Variants in NRG2 observed in about 807,000 individuals in gnomAD.
The protein encoded by NRG2 is neuregulin 2.
In NRG2, 27 loss-of-function variants were observed where a neutral mutation model predicts 73.9. That is an observed-to-expected ratio of 0.37 (90% CI 0.27 to 0.50). The LOEUF (loss-of-function observed/expected upper bound fraction) is 0.50. Among genes scored for constraint, NRG2 ranks in the 20% least tolerant of loss-of-function variants. The probability of loss-of-function intolerance (pLI) is 0.96; values close to 1 mark genes in which losing one functional copy is unlikely to be tolerated. For synonymous variants in NRG2, 532 were observed against 541.0 expected (o/e 0.98, Z 0.23); for missense variants, 1,126 against 1,210.1 (o/e 0.93, Z 1.03).
rs146639585 is a variant in NRG2, at chr5:139,873,803, C to T, written c.992-1962G>A. 2.9e-3 allele frequency among the ~76,000 whole-genome samples: 449 copies of T among 152,338 alleles called. 1 individual carries two copies. The highest frequency in any genetic ancestry group is 5.4e-3 in the Non-Finnish European group (370 of 68,032). On this transcript the variant is annotated intron_variant, in intron 3 of 9. Coordinates refer to ENST00000361474, the MANE Select transcript of NRG2 (RefSeq NM_004883.3). ...ACAGCAGGGAGGATGCTGGGTTGGC[C>T]GGGGCCACAGTTGCACACTTGGGCT...
intron 1 of NRG2, among the ~76,000 whole-genome samples, chr5:140,038,432 T>A (rs1409896118): frequency 6.6e-6 from 1 of 152,206 alleles, no homozygotes; most frequent in East Asian, 1.9e-4. Flanking sequence ...TTAACACTAA[T>A]CAGCACAATG....
chr5:139,868,397 G>A lies in NRG2; in HGVS notation c.1113-2772C>T, dbSNP rs1762626109. Among the ~76,000 whole-genome samples the A allele has an allele frequency of 6.6e-6, 1 of 152,120 alleles. No individual in the cohort carries two copies. On this transcript the variant is annotated intron_variant, in intron 4 of 9. Transcript: ENST00000361474. The surrounding 1 kb of genome is among the most constrained non-coding windows in gnomAD (Gnocchi z 4.2). ...GTCTGAACTCAGCATTGGGGGCTGG[G>A]TGGTGGTTGGTGGTTTCCACTGAAA...
chr5:139,871,145 G>C (rs1232845587), intron 4 of NRG2: 1 of 153,736 alleles, frequency 6.5e-6, no homozygotes, highest in Admixed American at 6.4e-5. Context: ...TGTACAATGG[G>C]GTCCTGTAGG....
intron 1 of NRG2, among the ~76,000 whole-genome samples, chr5:140,031,392 T>G (rs1761140550): frequency 6.6e-6 from 1 of 152,200 alleles, no homozygotes; most frequent in Non-Finnish European, 1.5e-5. Flanking sequence ...CCAGAGTCCT[T>G]TAAAAGAAAC....
chr5:139,847,873 A>C lies in NRG2; in HGVS notation c.*44T>G. 7.6e-7 allele frequency: 1 copy of C among 1,320,736 alleles called. No homozygotes were observed. Among genetic ancestry groups the C allele is most frequent in the Non-Finnish European group, 9.8e-7 (1 of 1,021,830 alleles). The allele number at this position is 1,320,736 out of a possible 1,614,324, so 81.8% of individuals were successfully genotyped here. ...CCAGTAGGCGGTCTCTGGTCTCCTT[A>C]AAGATAGTGGGGCGGGCGGGGCGGA... On this transcript the variant is annotated 3_prime_UTR_variant, in exon 10 of 10. Coordinates refer to ENST00000361474, the MANE Select transcript of NRG2 (RefSeq NM_004883.3).
intron 2 of NRG2, among the ~76,000 whole-genome samples, chr5:139,881,239 C>T (rs565044643): frequency 3.9e-5 from 6 of 152,298 alleles, no homozygotes; most frequent in East Asian, 1.9e-4. Flanking sequence ...CCCTCACATC[C>T]GCTCTTCTAG....
At chr5:140,028,969 T>A (rs1760920194) in intron 1 of NRG2, among the ~76,000 whole-genome samples, 1 of 152,092 alleles carries the variant, frequency 6.6e-6, no homozygotes, top group Non-Finnish European at 1.5e-5. Flanking sequence ...CCGGCTACAC[T>A]CCCAGATGAA....
intron 1 of NRG2, among the ~76,000 whole-genome samples, chr5:139,996,037 A>C (rs1757988670): frequency 6.6e-6 from 1 of 152,170 alleles, no homozygotes; most frequent in South Asian, 2.1e-4. Context: ...AAAAGAAAGA[A>C]AAGAAGGGAA....
intron 1 of NRG2, among the ~76,000 whole-genome samples, chr5:139,931,934 A>G (rs550934811): frequency 6.6e-6 from 1 of 152,362 alleles, no homozygotes; most frequent in Admixed American, 6.5e-5. Context: ...GACAAGAAAT[A>G]ACAAATGTTG....
intron 1 of NRG2, among the ~76,000 whole-genome samples, chr5:139,938,697 T>G (rs896449841): frequency 2.0e-5 from 3 of 151,604 alleles, no homozygotes; most frequent in African/African-American, 7.3e-5. Context: ...AGAATGTAGA[T>G]CAATAGAACA....
intron 1 of NRG2, among the ~76,000 whole-genome samples, chr5:139,897,072 C>T (rs1764591962): frequency 6.6e-6 from 1 of 152,224 alleles, no homozygotes; most frequent in Non-Finnish European, 1.5e-5. Context: ...TTGCCCATGC[C>T]TATTCTGCCC....
intron 1 of NRG2, among the ~76,000 whole-genome samples, chr5:139,958,723 G>C (rs1490276559): frequency 6.6e-6 from 1 of 152,086 alleles, no homozygotes; most frequent in Admixed American, 6.6e-5. Flanking sequence ...AGAAATGGCC[G>C]GCGACCTTGC....
chr5:139,997,290 C>G (rs1561740100), intron 1 of NRG2, among the ~76,000 whole-genome samples: 1 of 152,190 alleles, frequency 6.6e-6, no homozygotes, highest in Non-Finnish European at 1.5e-5. Flanking sequence ...TTCCTTTACC[C>G]ACCCAGAGGC....
At chr5:140,025,487 A>G (rs12520398) in intron 1 of NRG2, among the ~76,000 whole-genome samples, 94,104 of 151,982 alleles carry the variant, frequency 0.62, 29,306 homozygotes, top group East Asian at 0.82. Context: ...ACCAAGTACC[A>G]TGAAGTTGAT....
intron 1 of NRG2, among the ~76,000 whole-genome samples, chr5:139,969,636 A>G (rs770831269): frequency 6.6e-6 from 1 of 152,228 alleles, no homozygotes; most frequent in African/African-American, 2.4e-5. Context: ...ACCAATGTTT[A>G]TTGAATCAAC....
intron 1 of NRG2, among the ~76,000 whole-genome samples, chr5:139,943,687 G>A (rs1011930598): frequency 2.0e-5 from 3 of 152,116 alleles, no homozygotes; most frequent in African/African-American, 7.2e-5. Context: ...TCAAAAGCAA[G>A]ACATTCAAAG....
At chr5:139,975,442 C>T (rs1374722148) in intron 1 of NRG2, among the ~76,000 whole-genome samples, 1 of 152,214 alleles carries the variant, frequency 6.6e-6, no homozygotes, top group African/African-American at 2.4e-5. Flanking sequence ...AAGGAGTAGC[C>T]TCAGTACCCC....
intron 1 of NRG2, among the ~76,000 whole-genome samples, chr5:139,925,656 C>T (rs187333448): frequency 6.6e-6 from 1 of 152,306 alleles, no homozygotes; most frequent in Non-Finnish European, 1.5e-5. Context: ...GGCTCTTGAG[C>T]CAACTGAGAG....
chr5:140,001,167 C>T (rs1758440150), intron 1 of NRG2, among the ~76,000 whole-genome samples: 1 of 152,190 alleles, frequency 6.6e-6, no homozygotes, highest in Non-Finnish European at 1.5e-5. Flanking sequence ...CATTTATTAG[C>T]ACTTGGCTCA....
Sources: gnomAD v4.1 joint callset for allele counts (sites outside exome capture counted in the v4.1 genomes callset) on GRCh38, gnomAD v4.1.1 for gene constraint, Gnocchi (gnomAD v3.1) non-coding constraint, MANE v1.5 for transcripts, NCBI Gene and HGNC (gene_info 2026-07-23, HGNC 2026-07-21) for gene names.